Variants in FRMPD4 observed in about 807,000 individuals in gnomAD.
FRMPD4 encodes FERM and PDZ domain containing 4.
In FRMPD4, 22 loss-of-function variants were observed where a neutral mutation model predicts 94.1. The observed-to-expected ratio is 0.23, with a 90% CI of 0.17 to 0.33. The LOEUF (loss-of-function observed/expected upper bound fraction) is 0.33, where lower values mean the gene tolerates loss of function less well. Among genes scored for constraint, FRMPD4 ranks in the 10% least tolerant of loss-of-function variants. FRMPD4 has a pLI of 1.00. For missense variants in FRMPD4, 1,111 were observed against 1,339.9 expected, an observed-to-expected ratio of 0.83 and a Z score of 2.67; for synonymous variants, 631 against 548.6, an observed-to-expected ratio of 1.15 and a Z score of -2.10.
chrX:12,663,078 G>C, intron 4 of FRMPD4, among the ~76,000 whole-genome samples: 1 of 112,362 alleles, frequency 8.9e-6, no homozygotes. Flanking sequence ...ATCTGTTTAA[G>C]TTCCTTATAG....
intron 2 of FRMPD4, among the ~76,000 whole-genome samples, chrX:12,559,157 T>A (rs1289695888): frequency 1.8e-5 from 2 of 112,283 alleles, no homozygotes; most frequent in Non-Finnish European, 3.8e-5. Flanking sequence ...GATTTAGAAT[T>A]AAATATGCCT....
intron 1 of FRMPD4, among the ~76,000 whole-genome samples, chrX:12,390,694 A>T (rs375741340): frequency 4.1e-4 from 46 of 111,678 alleles, no homozygotes; most frequent in African/African-American, 1.5e-3. Flanking sequence ...AAAATCTGAC[A>T]TTACCTTATG....
chrX:12,111,331 A>G (rs1328432395), intron 3 of FRMPD4, among the ~76,000 whole-genome samples: 27 of 112,081 alleles, frequency 2.4e-4, no homozygotes, highest in Non-Finnish European at 7.5e-5. Context: ...AGGATTCCCT[A>G]TTTAATAAAT....
intron 1 of FRMPD4, among the ~76,000 whole-genome samples, chrX:12,396,998 G>A (rs977620382): frequency 9.0e-6 from 1 of 111,471 alleles, no homozygotes; most frequent in African/African-American, 3.3e-5. Context: ...GTACTGAGGA[G>A]GCCGGCCCAA....
intron 1 of FRMPD4, among the ~76,000 whole-genome samples, chrX:12,201,515 G>T (rs2056630423): frequency 8.9e-6 from 1 of 111,971 alleles, no homozygotes; most frequent in South Asian, 3.7e-4. Flanking sequence ...TGGTGTTCAG[G>T]CCTAAATTAT....
rs58794898 is a variant in FRMPD4 at position 12,305,725 on chromosome X, GTTTTTT to G, written c.41+166730_41+166735del. ...GGCATGTACCACCACAGCTGGCTAA[GTTTTTT>G]TTTTTTTTTTTTTTTTACAGAGACA... On this transcript the variant is annotated intron_variant, in intron 1 of 16. Coordinates refer to ENST00000675598, the MANE Select transcript of FRMPD4 (RefSeq NM_001368397.1). 2.0e-4 allele frequency among the ~76,000 whole-genome samples: 12 copies of G among 59,721 alleles called. 1 individual carries two copies. The highest frequency in any genetic ancestry group is 9.1e-4 in the African/African-American group (12 of 13,238). 51.9% of individuals were successfully genotyped at this position (59,721 alleles called of 115,157 possible).
At chrX:12,349,014 A>G (rs986034787) in intron 1 of FRMPD4, among the ~76,000 whole-genome samples, 5 of 112,257 alleles carry the variant, frequency 4.5e-5, no homozygotes, top group Non-Finnish European at 7.5e-5. Flanking sequence ...GGAGAGCTCC[A>G]TAAATGGGGG....
At chrX:11,888,900 G>T (rs987854783) in intron 3 of FRMPD4, among the ~76,000 whole-genome samples, 2 of 112,190 alleles carry the variant, frequency 1.8e-5, no homozygotes, top group African/African-American at 6.5e-5. Flanking sequence ...CTCAACGCAG[G>T]GTTGCCACAA....
Position 12,708,909 on chromosome X carries a change from A to G in FRMPD4, c.1470+1258A>G, listed in dbSNP as rs182270344. The G allele has an allele frequency of 2.1e-3, 241 of 113,951 alleles. 1 individual carries two copies. The highest frequency in any genetic ancestry group is 7.4e-3 in the African/African-American group (230 of 30,926). 9.4% of individuals were successfully genotyped at this position (113,951 alleles called of 1,213,427 possible). ...TGCTGGCTGTGACCTGTAGGACTTC[A>G]TGGGCTGGATCCAGAGGGTTTTCAT... On this transcript the variant is annotated intron_variant, in intron 13 of 16. Coordinates refer to ENST00000675598, the MANE Select transcript of FRMPD4 (RefSeq NM_001368397.1).
chrX:11,963,107 T>TA (rs3216909), intron 3 of FRMPD4, among the ~76,000 whole-genome samples: 46,838 of 110,520 alleles, frequency 0.42, 7,323 homozygotes, highest in East Asian at 0.59. Flanking sequence ...GCAAGTGAAA[T>TA]AACACAAAGG....
At chrX:11,868,507 A>G (rs947597777) in intron 2 of FRMPD4, among the ~76,000 whole-genome samples, 2 of 111,130 alleles carry the variant, frequency 1.8e-5, no homozygotes, top group Admixed American at 1.9e-4. Flanking sequence ...CCTGTAGGCA[A>G]TTTCCATGAT....
intron 2 of FRMPD4, among the ~76,000 whole-genome samples, chrX:12,525,747 A>G (rs938987414): frequency 1.8e-5 from 2 of 112,242 alleles, no homozygotes; most frequent in African/African-American, 6.5e-5. Context: ...CGTTCTTACC[A>G]GCAATATGTG....
At chrX:11,903,629 G>A (rs1205008545) in intron 3 of FRMPD4, among the ~76,000 whole-genome samples, 1 of 112,438 alleles carries the variant, frequency 8.9e-6, no homozygotes, top group African/African-American at 3.2e-5. Flanking sequence ...TCGAATCATA[G>A]TTGTAAATTT....
chrX:12,535,817 A>C (rs1263832400), intron 2 of FRMPD4, among the ~76,000 whole-genome samples: 2 of 111,455 alleles, frequency 1.8e-5, no homozygotes, highest in Non-Finnish European at 3.8e-5. Flanking sequence ...CACAAAGCCC[A>C]AAGTATTATC....
chrX:12,227,168 C>T (rs1489493287), intron 1 of FRMPD4, among the ~76,000 whole-genome samples: 2 of 111,322 alleles, frequency 1.8e-5, no homozygotes, highest in African/African-American at 3.3e-5. Context: ...CCAGAGCACA[C>T]GTAGCATTTT....
chrX:12,239,839 G>A (rs748167920), intron 1 of FRMPD4, among the ~76,000 whole-genome samples: 42 of 111,732 alleles, frequency 3.8e-4, no homozygotes, highest in African/African-American at 1.4e-3. Flanking sequence ...AAATGAGGGT[G>A]ATAGAGCTCT....
intron 3 of FRMPD4, among the ~76,000 whole-genome samples, chrX:11,959,169 T>C (rs2054271694): frequency 8.9e-6 from 1 of 112,619 alleles, no homozygotes; most frequent in South Asian, 3.6e-4. Flanking sequence ...AACTGAAGAA[T>C]GACAAGATTC....
At chrX:12,713,734 A>T (rs2042031161) in intron 14 of FRMPD4, among the ~76,000 whole-genome samples, 1 of 111,718 alleles carries the variant, frequency 9.0e-6, no homozygotes, top group South Asian at 3.8e-4. Context: ...AGACTGGGCC[A>T]CAGAATAGAT....
At chrX:12,082,640 A>G (rs1271263343) in intron 3 of FRMPD4, among the ~76,000 whole-genome samples, 1 of 111,724 alleles carries the variant, frequency 9.0e-6, no homozygotes, top group Non-Finnish European at 1.9e-5. Context: ...AAGACAGGAA[A>G]ATGTGGAAAA....
Sources: allele counts gnomAD v4.1 joint callset (sites outside exome capture counted in the v4.1 genomes callset), GRCh38; gene constraint gnomAD v4.1.1; transcripts MANE v1.5; gene names NCBI Gene and HGNC (gene_info 2026-07-23, HGNC 2026-07-21).